ALPL: variants seen among roughly 807,000 people sequenced by gnomAD.
ALPL encodes alkaline phosphatase, biomineralization associated, also known as alkaline phosphatase, tissue-nonspecific isozyme.
A neutral mutation model predicts 51.3 loss-of-function variants in ALPL; 42 were observed. The ratio of observed to expected loss-of-function variants is 0.82; its 90% CI spans 0.64 to 1.06. The LOEUF (loss-of-function observed/expected upper bound fraction) is 1.06, where lower values mean the gene tolerates loss of function less well. Among genes scored for constraint, ALPL ranks in the 50% least tolerant of loss-of-function variants. The pLI, the probability that ALPL is intolerant of heterozygous loss-of-function variation, is 0.00. For synonymous variants in ALPL, 279 were observed against 296.4 expected (o/e 0.94, Z 0.60); for missense variants, 589 against 709.4 (o/e 0.83, Z 1.93).
At chr1:21,554,493 T>C (rs1644373049) in intron 2 of ALPL, among the ~76,000 whole-genome samples, 1 of 147,046 alleles carries the variant, frequency 6.8e-6, no homozygotes, top group Non-Finnish European at 1.5e-5. Flanking sequence ...TATTCTTTCT[T>C]AATTTTTTTT....
intron 1 of ALPL, among the ~76,000 whole-genome samples, chr1:21,515,993 C>T (rs535681262): frequency 6.6e-6 from 1 of 152,144 alleles, no homozygotes; most frequent in African/African-American, 2.4e-5. Context: ...ATCCTCCTAC[C>T]CCAACCTCTC....
chr1:21,560,279 C>T (rs1355509958), intron 2 of ALPL, among the ~76,000 whole-genome samples: 1 of 152,252 alleles, frequency 6.6e-6, no homozygotes, highest in Non-Finnish European at 1.5e-5. Context: ...CTTAGCAGCT[C>T]ATCTCCCTAC....
chr1:21,560,528 G>A, intron 2 of ALPL, 98 bp from the exon 3 acceptor site: 2 of 1,514,080 alleles, frequency 1.3e-6, no homozygotes, highest in Non-Finnish European at 1.8e-6. Context: ...CCAAGTTCAG[G>A]CATTCCAGCC....
At chr1:21,520,012 A>G (rs959550456) in intron 1 of ALPL, among the ~76,000 whole-genome samples, 10 of 152,106 alleles carry the variant, frequency 6.6e-5, no homozygotes, top group African/African-American at 1.4e-4. Context: ...CCCGCATCCC[A>G]CCCAGATACA....
At position 21,564,180 on chromosome 1, in the gene ALPL, C is replaced by T. The variant is rs141448778; in HGVS notation, c.612C>T (p.Ile204=). The T allele has an allele frequency of 1.0e-3, 1,627 of 1,613,910 alleles. 1 individual carries two copies. Among genetic ancestry groups the T allele is most frequent in the Non-Finnish European group, 1.3e-3 (1,489 of 1,180,016 alleles). Residue 204 remains isoleucine, a synonymous_variant, in exon 6 of 12, where the codon ATC becomes ATT. Transcript: ENST00000374840. This position sits in a 1 kb window ranked among gnomAD's most constrained non-coding sequence, Gnocchi z 5.8. The part of the protein sequence containing the change: ...PEALSQGCKD[I]AYQLMHNIRD... The stretch of plus-strand genomic sequence containing the variant: ...CCTTGAGCCAGGGCTGTAAGGACAT[C>T]GCCTACCAGCTCATGCATAACATCA...
intron 1 of ALPL, among the ~76,000 whole-genome samples, chr1:21,545,354 A>G (rs1487940050): frequency 6.6e-6 from 1 of 151,948 alleles, no homozygotes; most frequent in East Asian, 1.9e-4. Context: ...ACAGCATTGT[A>G]ATCTCAGCTC....
intron 1 of ALPL, among the ~76,000 whole-genome samples, chr1:21,514,601 G>A (rs1643757563): frequency 6.6e-6 from 1 of 152,252 alleles, no homozygotes; most frequent in African/African-American, 2.4e-5. Context: ...ATGGTTACAT[G>A]CGGGGGGCTC....
At chr1:21,513,059 C>CTAT (rs146470644) in intron 1 of ALPL, among the ~76,000 whole-genome samples, 3,828 of 150,880 alleles carry the variant, frequency 0.025, 56 homozygotes, top group East Asian at 0.072. Context: ...CTCGCCCTCT[C>CTAT]TATTATTATT....
Position 21,569,060 on chromosome 1 carries a change from G to A in ALPL, c.792+813G>A, listed in dbSNP as rs115866769. The stretch of plus-strand genomic sequence containing the variant: ...CTGCAAGTTCCAGGACTGGCCCCTG[G>A]GGAGGCCTCGTGGGATGAGGCTGGG... On this transcript the variant is annotated intron_variant, in intron 7 of 11. Coordinates refer to ENST00000374840, the MANE Select transcript of ALPL (RefSeq NM_000478.6). 7.5e-3 allele frequency among the ~76,000 whole-genome samples: 1,138 copies of A among 152,228 alleles called. 15 individuals are homozygous for A. Among genetic ancestry groups the A allele is most frequent in the African/African-American group, 0.025 (1,043 of 41,542 alleles).
At chr1:21,560,958 A>T in intron 3 of ALPL, 139 bp from the exon 4 acceptor site, 1 of 989,896 alleles carries the variant, frequency 1.0e-6, no homozygotes, top group South Asian at 1.4e-5. Flanking sequence ...GGGGCTGCTC[A>T]CTGACATTTA....
chr1:21,557,355 A>G (rs1644427193), intron 2 of ALPL, among the ~76,000 whole-genome samples: 1 of 152,164 alleles, frequency 6.6e-6, no homozygotes, highest in East Asian at 1.9e-4. Flanking sequence ...ATTTCAGCAG[A>G]TGAGGAGATG....
At chr1:21,574,187 C>T (rs1261263083) in intron 9 of ALPL, 6 of 985,352 alleles carry the variant, frequency 6.1e-6, no homozygotes, top group South Asian at 4.7e-5. Context: ...GCTCTTTCAG[C>T]GCCGGCCAGG....
In ALPL at chr1:21,528,342, GTTT is replaced by G. The variant is rs11368122; in HGVS notation, c.-105+18846_-105+18848del. Among the ~76,000 whole-genome samples, 20 of 111,936 alleles carry G rather than the reference GTTT, an allele frequency of 1.8e-4. 1 individual carries two copies. Among genetic ancestry groups the G allele is most frequent in the African/African-American group, 2.8e-4 (8 of 28,766 alleles). The allele number at this position is 111,936 out of a possible 152,430, so 73.4% of individuals were successfully genotyped here. A position where few individuals can be genotyped will look rare whatever the true frequency, so the allele number is the denominator to read the frequency against. ...TGAGATTACATGCCTGACCTATTCAGTTTTTTTTTTTTTTTTTTTTTTTGAGGC... is the reference window on the plus strand; with the variant it reads ...TGAGATTACATGCCTGACCTATTCAGTTTTTTTTTTTTTTTTTTTTGAGGC... On this transcript the variant is annotated intron_variant, in intron 1 of 11. Coordinates refer to ENST00000374840, the MANE Select transcript of ALPL (RefSeq NM_000478.6).
chr1:21,554,287 C>T lies in ALPL; in HGVS notation c.61+145C>T, dbSNP rs567033811. 108 of 761,952 alleles carry T rather than the reference C, an allele frequency of 1.4e-4. No individual in the cohort carries two copies. The East Asian group carries it at 2.5e-3, about 18-fold the overall frequency. 47.2% of individuals were successfully genotyped at this position (761,952 alleles called of 1,614,324 possible). On this transcript the variant is annotated intron_variant, in intron 2 of 11. Transcript: ENST00000374840. ...TTCAGAGCAGGAAACCTCAGCCCTG[C>T]TACTTGCATGTGTTAGTTGGATAGG...
At chr1:21,509,379 G>T (rs1309545439), upstream of ALPL, 1 of 150,460 alleles carries the variant, frequency 6.6e-6, no homozygotes, top group Non-Finnish European at 1.5e-5. This position sits in a 1 kb window ranked among gnomAD's most constrained non-coding sequence, Gnocchi z 6.0. Flanking sequence ...GCCTCACTCG[G>T]GCCCCGCGGC....
intron 5 of ALPL, 33 bp downstream of exon 5, chr1:21,563,317 G>A: frequency 2.5e-6 from 4 of 1,593,452 alleles, no homozygotes; most frequent in Non-Finnish European, 3.4e-6. Flanking sequence ...AGCAGGGCCA[G>A]CTTCGTGGCC....
intron 9 of ALPL, chr1:21,574,298 C>A: frequency 1.4e-6 from 1 of 732,182 alleles, no homozygotes; most frequent in Non-Finnish European, 1.7e-6. Flanking sequence ...AAAATAGCAT[C>A]TGTCTCCTGG....
At position 21,564,029 on chromosome 1, in the gene ALPL, C is replaced by T. The variant is rs147181132; in HGVS notation, c.473-12C>T. 2.7e-4 allele frequency: 429 copies of T among 1,613,478 alleles called. 4 individuals carry two copies. The African/African-American group carries it at 5.1e-3, about 19-fold the overall frequency. On this transcript the variant is annotated splice_polypyrimidine_tract_variant and intron_variant, in intron 5 of 11. Coordinates refer to ENST00000374840, the MANE Select transcript of ALPL (RefSeq NM_000478.6). The surrounding 1 kb of genome is among the most constrained non-coding windows in gnomAD (Gnocchi z 5.8). Reference sequence around the variant, plus strand: ...TGTGGATAAAGCCAAACCCGCCCCTCCTGCACCCCAGGGAAATCTGTGGGC... The same window carrying T: ...TGTGGATAAAGCCAAACCCGCCCCTTCTGCACCCCAGGGAAATCTGTGGGC...
At chr1:21,561,948 T>C (rs527908196) in intron 4 of ALPL, among the ~76,000 whole-genome samples, 2 of 152,340 alleles carry the variant, frequency 1.3e-5, no homozygotes, top group East Asian at 1.9e-4. Context: ...ATTACAGGCA[T>C]GAGCCACCGT....
Sources: gnomAD v4.1 joint callset for allele counts (sites outside exome capture counted in the v4.1 genomes callset) on GRCh38, gnomAD v4.1.1 for gene constraint, Gnocchi (gnomAD v3.1) non-coding constraint, MANE v1.5 for transcripts, NCBI Gene and HGNC (gene_info 2026-07-23, HGNC 2026-07-21) for gene names.